PPFIBP2: variants seen among roughly 807,000 people sequenced by gnomAD.
PPFIBP2 encodes PPFIB scaffold protein 2.
In PPFIBP2, 118 loss-of-function variants were observed where a neutral mutation model predicts 118.3. The observed-to-expected ratio is 1.00, with a 90% CI of 0.86 to 1.16. The LOEUF (loss-of-function observed/expected upper bound fraction) is 1.16, where lower values mean the gene tolerates loss of function less well. PPFIBP2 is among the 50% of genes most tolerant of loss of function. The pLI is 0.00. For missense variants in PPFIBP2, 1,195 were observed against 1,073.1 expected (o/e 1.11, Z -1.59); for synonymous variants, 414 against 397.4 (o/e 1.04, Z -0.50).
chr11:7,576,622 A>C (rs894368867), intron 3 of PPFIBP2: 29 of 152,446 alleles, frequency 1.9e-4, no homozygotes, highest in African/African-American at 7.0e-4. Flanking sequence ...TTGGTTTGTA[A>C]AGCAGGTAGC....
chr11:7,622,005 A>C (rs1263570627), intron 7 of PPFIBP2, among the ~76,000 whole-genome samples: 4 of 152,236 alleles, frequency 2.6e-5, no homozygotes, highest in Non-Finnish European at 5.9e-5. Flanking sequence ...TCCGTGTATT[A>C]TTCTCTTCTG....
intron 2 of PPFIBP2, among the ~76,000 whole-genome samples, chr11:7,552,120 G>T (rs1391669091): frequency 6.6e-6 from 1 of 152,232 alleles, no homozygotes; most frequent in Non-Finnish European, 1.5e-5. Context: ...GTTCTTTGCA[G>T]ATTGGTAGGG....
chr11:7,533,085 G>A (rs1850889755), intron 1 of PPFIBP2, among the ~76,000 whole-genome samples: 1 of 151,686 alleles, frequency 6.6e-6, no homozygotes, highest in South Asian at 2.1e-4. Flanking sequence ...ATAGGGAGAA[G>A]TGCCTGGTTT....
chr11:7,516,017 A>G (rs148940856), intron 1 of PPFIBP2, among the ~76,000 whole-genome samples: 24 of 152,284 alleles, frequency 1.6e-4, no homozygotes, highest in African/African-American at 5.5e-4. Context: ...TCATTTCCCT[A>G]TGTGTAGCAA....
At chr11:7,665,957 A>G in the PPFIBP2 span, 1 of 1,522,600 alleles carries the variant, frequency 6.6e-7, no homozygotes, top group Non-Finnish European at 8.8e-7. Context: ...ACAAGCAGGT[A>G]CAGCCGGGAG....
At chr11:7,630,767 A>G (rs992392040) in intron 10 of PPFIBP2, among the ~76,000 whole-genome samples, 158 bp from the exon 11 acceptor site, 2 of 152,228 alleles carry the variant, frequency 1.3e-5, no homozygotes, top group Non-Finnish European at 2.9e-5. Flanking sequence ...CCTTGCTCAG[A>G]TGCCCTGAAG....
At chr11:7,518,844 G>T (rs1590086926) in intron 1 of PPFIBP2, among the ~76,000 whole-genome samples, 2 of 152,368 alleles carry the variant, frequency 1.3e-5, no homozygotes, top group East Asian at 3.9e-4. Flanking sequence ...TGAGGGTGGG[G>T]CATGAGCCAA....
intron 1 of PPFIBP2, among the ~76,000 whole-genome samples, chr11:7,521,777 A>G (rs1849778082): frequency 6.6e-6 from 1 of 152,182 alleles, no homozygotes; most frequent in Non-Finnish European, 1.5e-5. Flanking sequence ...TGCAATGTTT[A>G]CCTCAGTAAA....
At chr11:7,620,604 TC>T (rs1299618074) in intron 6 of PPFIBP2, among the ~76,000 whole-genome samples, 1 of 152,158 alleles carries the variant, frequency 6.6e-6, no homozygotes, top group Non-Finnish European at 1.5e-5. Flanking sequence ...TCTCTATTCT[TC>T]CCACTCCGAA....
At chr11:7,642,476 A>G (rs1039061445) in intron 17 of PPFIBP2, 50 bp downstream of exon 17, 8 of 1,566,444 alleles carry the variant, frequency 5.1e-6, no homozygotes, top group Non-Finnish European at 6.1e-6. Flanking sequence ...AAAAAGAAGT[A>G]TCTCCCTTCA....
At chr11:7,657,653 G>A (rs748556229), downstream of PPFIBP2, among the ~76,000 whole-genome samples, 29 of 152,066 alleles carry the variant, frequency 1.9e-4, no homozygotes, top group Non-Finnish European at 2.9e-4. Flanking sequence ...CCCTCCAGGC[G>A]TCTGCTCAGG....
chr11:7,591,709 C>A (rs78249787), intron 3 of PPFIBP2, among the ~76,000 whole-genome samples: 1,556 of 152,300 alleles, frequency 0.01, 37 homozygotes, highest in African/African-American at 0.035. Context: ...GCAGCAGGTG[C>A]TGCCTGGCAC....
intron 5 of PPFIBP2, among the ~76,000 whole-genome samples, chr11:7,606,659 A>T (rs1265023767): frequency 1.3e-5 from 2 of 152,202 alleles, no homozygotes; most frequent in Non-Finnish European, 2.9e-5. Flanking sequence ...GGCTAATTCA[A>T]ACACTGGCAT....
intron 1 of PPFIBP2, among the ~76,000 whole-genome samples, chr11:7,533,867 G>A (rs1167698255): frequency 6.6e-6 from 1 of 152,226 alleles, no homozygotes; most frequent in Admixed American, 6.5e-5. Context: ...GCTGCAAAAT[G>A]CAGCTTCTCT....
At position 7,650,869 on chromosome 11, in the gene PPFIBP2, G is replaced by A. The variant is rs1477258518; in HGVS notation, c.2151G>A (p.Gln717=). The stretch of plus-strand genomic sequence containing the variant: ...ACCTTTCTCCTTCAGAAGTTGTACA[G>A]TGGTCCAACCACAGGGTGATGGAGT... ...ESNLSPSEVV[Q]WSNHRVMEWL... The change falls in exon 22 of 24, where the codon CAG becomes CAA. Residue 717 remains glutamine, a synonymous_variant. Coordinates refer to ENST00000299492, the MANE Select transcript of PPFIBP2 (RefSeq NM_003621.5). 1 of 1,614,042 alleles carries A rather than the reference G, an allele frequency of 6.2e-7. No individual in the cohort carries two copies. The highest frequency in any genetic ancestry group is 1.1e-5 in the South Asian group (1 of 91,068).
chr11:7,587,566 T>C (rs74051539), intron 3 of PPFIBP2, among the ~76,000 whole-genome samples: 4,370 of 152,336 alleles, frequency 0.029, 220 homozygotes, highest in African/African-American at 0.099. Flanking sequence ...TATCTCTGCC[T>C]TTAGGCAGCG....
At chr11:7,632,998 G>C (rs1378615976) in intron 12 of PPFIBP2, 64 bp downstream of exon 12, 1 of 1,459,176 alleles carries the variant, frequency 6.9e-7, no homozygotes, top group Non-Finnish European at 9.6e-7. Flanking sequence ...GGCTGCCGAA[G>C]TAGATGGTGA....
intron 2 of PPFIBP2, among the ~76,000 whole-genome samples, chr11:7,551,041 A>G (rs1039468548): frequency 3.6e-5 from 5 of 140,282 alleles, no homozygotes; most frequent in African/African-American, 8.3e-5. Context: ...ATCTATATCT[A>G]TAGATATAGA....
chr11:7,650,764 C>A (rs1853869595), intron 21 of PPFIBP2, 76 bp from the exon 22 acceptor site: 14 of 1,517,402 alleles, frequency 9.2e-6, no homozygotes, highest in South Asian at 1.3e-5. Flanking sequence ...GGGTTACTTA[C>A]CGGGGCTGAC....
Sources: gnomAD v4.1 joint callset for allele counts (sites outside exome capture counted in the v4.1 genomes callset) on GRCh38, gnomAD v4.1.1 for gene constraint, MANE v1.5 for transcripts, NCBI Gene and HGNC (gene_info 2026-07-23, HGNC 2026-07-21) for gene names.